The following AASS variants were observed in gnomAD, a reference collection of about 807,000 sequenced individuals.
AASS encodes the protein aminoadipate-semialdehyde synthase.
In AASS, 86 loss-of-function variants were observed where a neutral mutation model predicts 105.4. The observed-to-expected ratio is 0.82, with a 90% confidence interval of 0.69 to 0.98. The LOEUF (loss-of-function observed/expected upper bound fraction) is 0.98. AASS is among the 50% of genes least tolerant of loss of function. The pLI is 0.00. For synonymous variants in AASS, 381 were observed against 394.8 expected (o/e 0.96, Z 0.41); for missense variants, 1,048 against 1,143.2 (o/e 0.92, Z 1.20).
Position 122,101,443 on chromosome 7 carries a change from A to T in AASS, c.1339-5T>A, listed in dbSNP as rs1178331437. 6.2e-7 allele frequency: 1 copy of T among 1,606,504 alleles called. No homozygotes were observed. The highest frequency in any genetic ancestry group is 2.2e-5 in the East Asian group (1 of 44,788). ...ACCGTTGGATGTAATCACTGCCTAA[A>T]TGTATATGACACAAGACATTTCTTT... On this transcript the variant is annotated splice_polypyrimidine_tract_variant and splice_region_variant and intron_variant, in intron 12 of 23. Transcript: ENST00000417368.
chr7:122,140,624 C>T (rs942145261), intron 1 of AASS, among the ~76,000 whole-genome samples: 2 of 151,676 alleles, frequency 1.3e-5, no homozygotes, highest in African/African-American at 2.4e-5. Flanking sequence ...TTAATCCCCA[C>T]AGTTAGGAAC....
chr7:122,088,076 T>G (rs1793713263), intron 18 of AASS, among the ~76,000 whole-genome samples: 1 of 152,172 alleles, frequency 6.6e-6, no homozygotes, highest in South Asian at 2.1e-4. Context: ...GTTTATTATT[T>G]TATTAATAAT....
In AASS at chr7:122,118,387, AGC is replaced by A; in HGVS notation, c.605_606del (p.Gly202ValfsTer2). 1 of 1,614,202 alleles carries A rather than the reference AGC, an allele frequency of 6.2e-7. No individual in the cohort carries two copies. The highest frequency in any genetic ancestry group is 1.3e-5 in the African/African-American group (1 of 75,044). Reference sequence around the variant, plus strand: ...GGCATCAAACCCAAAGATATTTCATAGCCAGCATCACGGACAGCTTGCACAGC... The same window carrying A: ...GGCATCAAACCCAAAGATATTTCATACAGCATCACGGACAGCTTGCACAGC... ...SQAVQAVRDA[G>X]YEISLGLMPK... On this transcript the variant is annotated frameshift_variant, in exon 6 of 24. Transcript: ENST00000417368. LOFTEE classifies it high-confidence loss of function.
rs376191122 is a variant in AASS, at chr7:122,126,134, G to A, written c.472+241C>T. Among the ~76,000 whole-genome samples the A allele has an allele frequency of 2.8e-4, 43 of 152,202 alleles. 1 individual carries two copies. The East Asian group carries it at 4.6e-3, about 16-fold the overall frequency. ...CGAAAGGAACTACCTAAAAATCAGA[G>A]CTTGTTTGTAGTTGTTATCCTTCTC... On this transcript the variant is annotated intron_variant, in intron 4 of 23. Transcript: ENST00000417368.
intron 15 of AASS, among the ~76,000 whole-genome samples, chr7:122,098,183 G>A (rs1794256472): frequency 1.3e-5 from 2 of 151,820 alleles, no homozygotes; most frequent in African/African-American, 4.8e-5. Flanking sequence ...TAGAGGATGG[G>A]GTAAGTGAAT....
At position 122,081,504 on chromosome 7, in the gene AASS, G is replaced by T; in HGVS notation, c.2276C>A (p.Thr759Asn). ...ACGTAATTCGGAGTCACTCACCCAG[G>T]TGAGAGGGTTGGCCTCAGGTCTAAA... ...PAFRPEANPL[T>N]WKQLLCDLVG... Residue 759 changes from threonine (T) to asparagine (N), a missense_variant, in exon 20 of 24, where the codon ACC becomes AAC. Thr to Asn is a moderately conservative substitution (Grantham distance 65, BLOSUM62 0). Transcript: ENST00000417368. 2 of 1,612,804 alleles carry T rather than the reference G, an allele frequency of 1.2e-6. No individual in the cohort carries two copies. Among genetic ancestry groups the T allele is most frequent in the Non-Finnish European group, 1.7e-6 (2 of 1,178,788 alleles).
intron 22 of AASS, among the ~76,000 whole-genome samples, chr7:122,078,648 A>G (rs1020034941): frequency 1.1e-4 from 16 of 152,148 alleles, no homozygotes; most frequent in Non-Finnish European, 7.4e-5. Flanking sequence ...AATAAATAGT[A>G]AAACTATTTT....
At chr7:122,113,821 A>G (rs757621413) in intron 9 of AASS, 101 bp from the exon 10 acceptor site, 27 of 1,371,206 alleles carry the variant, frequency 2.0e-5, no homozygotes, top group Non-Finnish European at 2.4e-5. Context: ...GTGGATCCCA[A>G]ATATTTTCCA....
intron 15 of AASS, among the ~76,000 whole-genome samples, chr7:122,094,869 T>C (rs947975293): frequency 6.6e-6 from 1 of 152,074 alleles, no homozygotes; most frequent in African/African-American, 2.4e-5. Flanking sequence ...ACATGGGCCA[T>C]CTTGACCTAG....
chr7:122,080,609 G>A (rs747917641), intron 20 of AASS, among the ~76,000 whole-genome samples: 41 of 152,090 alleles, frequency 2.7e-4, no homozygotes, highest in Non-Finnish European at 5.3e-4. Context: ...AAAAATGAAT[G>A]TAAAAGCAAC....
At chr7:122,101,578 T>TA (rs761760876) in intron 12 of AASS, 43 bp downstream of exon 12, 4 of 1,559,514 alleles carry the variant, frequency 2.6e-6, no homozygotes, top group Middle Eastern at 1.7e-4. Context: ...AAAATGGTAG[T>TA]AAAAAAATAC....
At chr7:122,116,400 G>C (rs553645714) in intron 8 of AASS, among the ~76,000 whole-genome samples, 11 of 152,284 alleles carry the variant, frequency 7.2e-5, no homozygotes, top group Non-Finnish European at 1.5e-5. Flanking sequence ...ACCTGAAGCA[G>C]AAATGGAGAC....
At chr7:122,103,333 C>T (rs1794519156) in intron 11 of AASS, among the ~76,000 whole-genome samples, 1 of 151,992 alleles carries the variant, frequency 6.6e-6, no homozygotes, top group Non-Finnish European at 1.5e-5. Flanking sequence ...GCACAGAAAC[C>T]TGCCAGCCAA....
intron 15 of AASS, among the ~76,000 whole-genome samples, chr7:122,097,345 C>A (rs1174674734): frequency 1.3e-5 from 2 of 151,904 alleles, no homozygotes; most frequent in African/African-American, 4.8e-5. Flanking sequence ...TTTGACATTT[C>A]AAAACCAAAT....
In AASS at chr7:122,098,844, T is replaced by C. The variant is rs1318321356; in HGVS notation, c.1429A>G (p.Met477Val). ...ESRERAQSLSMGTRRKVLVLG... is the reference protein window; with the variant it reads ...ESRERAQSLSVGTRRKVLVLG... ...ACCAAAACCTTTCTCCTGGTGCCCA[T>C]TGAAAGTGACTGAGCACGTTCCCTA... The change falls in exon 14 of 24, where the codon ATG (methionine) becomes GTG (valine). Residue 477 changes from methionine to valine, a missense_variant. Coordinates refer to ENST00000417368, the MANE Select transcript of AASS (RefSeq NM_005763.4). 4.4e-6 allele frequency: 7 copies of C among 1,587,590 alleles called. No individual in the cohort carries two copies. The highest frequency in any genetic ancestry group is 2.8e-5 in the African/African-American group (2 of 70,442).
intron 19 of AASS, 30 bp downstream of exon 19, chr7:122,085,979 GCAA>G: frequency 6.2e-7 from 1 of 1,611,966 alleles, no homozygotes; most frequent in Non-Finnish European, 8.5e-7. Flanking sequence ...ATCACAACTG[GCAA>G]CATGTTGAAT....
At chr7:122,099,291 A>C (rs1794321645) in intron 13 of AASS, among the ~76,000 whole-genome samples, 1 of 151,866 alleles carries the variant, frequency 6.6e-6, no homozygotes, top group Non-Finnish European at 1.5e-5. Flanking sequence ...TCCTCACAAC[A>C]ATCCCAGAAG....
chr7:122,096,127 T>G (rs1178635192), intron 15 of AASS, among the ~76,000 whole-genome samples: 1 of 152,144 alleles, frequency 6.6e-6, no homozygotes, highest in Non-Finnish European at 1.5e-5. Context: ...AAATGTCACT[T>G]GTGAAAAATA....
chr7:122,085,508 T>C (rs1793578953), intron 19 of AASS, among the ~76,000 whole-genome samples: 1 of 152,110 alleles, frequency 6.6e-6, no homozygotes, highest in African/African-American at 2.4e-5. Context: ...TTTAATGACA[T>C]TGACTCCATC....
Sources: allele counts gnomAD v4.1 joint callset (sites outside exome capture counted in the v4.1 genomes callset), GRCh38; gene constraint gnomAD v4.1.1; transcripts MANE v1.5; gene names NCBI Gene and HGNC (gene_info 2026-07-23, HGNC 2026-07-21).